Variants in FBN3 observed in about 807,000 individuals in gnomAD.
FBN3 encodes fibrillin-3.
A neutral mutation model predicts 330.1 loss-of-function variants in FBN3; 234 were observed. The observed-to-expected ratio is 0.71, with a 90% confidence interval of 0.64 to 0.79. The LOEUF (loss-of-function observed/expected upper bound fraction) is 0.79. Ranked by LOEUF, FBN3 falls within the 30% of genes least tolerant of loss-of-function variation. FBN3 has a pLI of 0.00. For missense variants in FBN3, 3,606 were observed against 3,886.9 expected (o/e 0.93, Z 1.92); for synonymous variants, 1,458 against 1,517.3 (o/e 0.96, Z 0.91).
In FBN3 at chr19:8,075,132, C is replaced by G. The variant is rs1477998955; in HGVS notation, c.7641G>C (p.Gly2547=). ...CCTGGGGGCAGCTGCAGCGGTAGCC[C>G]CCTAGCTGGTTCTGACAGCCATGCT... ...RCQHGCQNQL[G]GYRCSCPQGF... The change falls in exon 61 of 64, where the codon GGG becomes GGC. Residue 2547 remains glycine (G), a synonymous_variant. Coordinates refer to ENST00000600128, the MANE Select transcript of FBN3 (RefSeq NM_032447.5). The G allele has an allele frequency of 6.3e-7, 1 of 1,584,762 alleles. No homozygotes were observed. The highest frequency in any genetic ancestry group is 1.2e-5 in the South Asian group (1 of 86,580).
chr19:8,086,353 G>GC (rs1568372019), intron 54 of FBN3, 28 bp from the exon 55 acceptor site: 11 of 1,571,478 alleles, frequency 7.0e-6, no homozygotes, highest in Admixed American at 1.7e-5. Flanking sequence ...AGGCAGGTGG[G>GC]CGGGGAGGCC....
chr19:8,109,763 G>A lies in FBN3; in HGVS notation c.4334-10C>T, dbSNP rs991543775. The A allele has an allele frequency of 4.2e-5, 63 of 1,485,124 alleles. No individual in the cohort carries two copies. The highest frequency in any genetic ancestry group is 5.6e-5 in the Non-Finnish European group (62 of 1,116,840). 92.0% of individuals were successfully genotyped at this position (1,485,124 alleles called of 1,614,324 possible). A position where few individuals can be genotyped will look rare whatever the true frequency, so the allele number is the denominator to read the frequency against. Reference sequence around the variant, plus strand: ...GCACACTCGTTGATGTCTGTAGGGAGGAAGCGCGGTCCTCAGCAGGGAGCC... The same window carrying A: ...GCACACTCGTTGATGTCTGTAGGGAAGAAGCGCGGTCCTCAGCAGGGAGCC... On this transcript the variant is annotated splice_polypyrimidine_tract_variant and intron_variant, in intron 34 of 63. Transcript: ENST00000600128. This position sits in a 1 kb window ranked among gnomAD's most constrained non-coding sequence, Gnocchi z 5.2.
Position 8,145,886 on chromosome 19 carries a change from GGAC to G in FBN3, c.399_401del (p.Ser134del), listed in dbSNP as rs1173533613. On this transcript the variant is annotated inframe_deletion, in exon 5 of 64. Coordinates refer to ENST00000600128, the MANE Select transcript of FBN3 (RefSeq NM_032447.5). ...CTGTGTAGCCCTTCTGACACAGACA[GGAC>G]GCCCCCCGGCAGGTGCCCCCATTCA... is the stretch of plus-strand genomic sequence containing the variant. 4 of 1,551,152 alleles carry G rather than the reference GGAC, an allele frequency of 2.6e-6. No homozygotes were observed. In the African/African-American group the frequency reaches 5.5e-5, roughly 21 times the overall value.
intron 8 of FBN3, among the ~76,000 whole-genome samples, chr19:8,140,423 C>CA (rs780971872): frequency 1.3e-5 from 2 of 152,184 alleles, no homozygotes; most frequent in African/African-American, 2.4e-5. Flanking sequence ...GAGATCGTGC[C>CA]ATTGCACTCC....
Position 8,131,425 on chromosome 19 carries a change from C to A in FBN3, c.1990+129G>T. 1 of 1,434,338 alleles carries A rather than the reference C, an allele frequency of 7.0e-7. No individual in the cohort carries two copies. The highest frequency in any genetic ancestry group is 1.9e-5 in the Admixed American group (1 of 52,946). The allele number at this position is 1,434,338 out of a possible 1,614,324, so 88.9% of individuals were successfully genotyped here. A position where few individuals can be genotyped will look rare whatever the true frequency, so the allele number is the denominator to read the frequency against. On this transcript the variant is annotated intron_variant, in intron 15 of 63. Coordinates refer to ENST00000600128, the MANE Select transcript of FBN3 (RefSeq NM_032447.5). This position sits in a 1 kb window ranked among gnomAD's most constrained non-coding sequence, Gnocchi z 4.5. ...CACAACTCCAACCCCGGGGAGGGAG[C>A]AACTCCCTTCAGCCTCTTTTTGGGA...
chr19:8,089,516 A>G, intron 51 of FBN3, 29 bp downstream of exon 51: 1 of 1,613,238 alleles, frequency 6.2e-7, no homozygotes. Flanking sequence ...GGGGCCTGGG[A>G]CAGAGCTGGG....
intron 13 of FBN3, among the ~76,000 whole-genome samples, chr19:8,133,849 A>C (rs1463457399): frequency 6.6e-6 from 1 of 152,174 alleles, no homozygotes; most frequent in East Asian, 1.9e-4. Flanking sequence ...CCATGGTCTA[A>C]TTTAATGGAA....
At chr19:8,068,248 A>G (rs1002867853) in intron 63 of FBN3, among the ~76,000 whole-genome samples, 1 of 147,938 alleles carries the variant, frequency 6.8e-6, no homozygotes, top group African/African-American at 2.5e-5. Context: ...AAAATTAGCT[A>G]GGCGTAGTGT....
At position 8,109,992 on chromosome 19, in the gene FBN3, T is replaced by A. The variant is rs1186538445; in HGVS notation, c.4334-239A>T. On this transcript the variant is annotated intron_variant, in intron 34 of 63. Coordinates refer to ENST00000600128, the MANE Select transcript of FBN3 (RefSeq NM_032447.5). The surrounding 1 kb of genome is among the most constrained non-coding windows in gnomAD (Gnocchi z 5.2). The stretch of plus-strand genomic sequence containing the variant: ...GTTCTGCCTGGCAGAGTTTTGTTCA[T>A]TGAACTCTACCTGCCCTGGGTTCCA... 6.6e-6 allele frequency among the ~76,000 whole-genome samples: 1 copy of A among 152,222 alleles called. No homozygotes were observed. Among genetic ancestry groups the A allele is most frequent in the African/African-American group, 2.4e-5 (1 of 41,452 alleles).
intron 32 of FBN3, 117 bp downstream of exon 32, chr19:8,111,531 A>T: frequency 1.7e-6 from 2 of 1,177,544 alleles, no homozygotes; most frequent in Non-Finnish European, 2.4e-6. Context: ...CAGCACCCAC[A>T]GAGCGGCGAT....
chr19:8,121,421 T>C lies in FBN3; in HGVS notation c.3083-35A>G, dbSNP rs2144897253. On this transcript the variant is annotated intron_variant, in intron 24 of 63. Coordinates refer to ENST00000600128, the MANE Select transcript of FBN3 (RefSeq NM_032447.5). This position sits in a 1 kb window ranked among gnomAD's most constrained non-coding sequence, Gnocchi z 4.5. ...GAGGGGGCAGAGGCCGGAGGCGCCA[T>C]GTGGGCCGCATCATGGGGCACGAGG... 1 of 1,555,566 alleles carries C rather than the reference T, an allele frequency of 6.4e-7. No individual in the cohort carries two copies.
In FBN3 at chr19:8,094,440, A is replaced by G; in HGVS notation, c.5905+6T>C. The G allele has an allele frequency of 6.2e-7, 1 of 1,608,636 alleles. No homozygotes were observed. The highest frequency in any genetic ancestry group is 8.5e-7 in the Non-Finnish European group (1 of 1,176,382). On this transcript the variant is annotated splice_donor_region_variant and intron_variant, in intron 47 of 63. Coordinates refer to ENST00000600128, the MANE Select transcript of FBN3 (RefSeq NM_032447.5). ...GCCAGAAACGGGAGTGGGGCTGGAC[A>G]CTCACCAATGCAGTGGTCACTCTGC... is the stretch of plus-strand genomic sequence containing the variant.
intron 16 of FBN3, among the ~76,000 whole-genome samples, chr19:8,130,884 C>T (rs973360913): frequency 6.6e-6 from 1 of 151,262 alleles, no homozygotes; most frequent in African/African-American, 2.4e-5. Context: ...GTTTTGGACA[C>T]AGACACGCAT....
At position 8,134,413 on chromosome 19, in the gene FBN3, C is replaced by T. The variant is rs181294344; in HGVS notation, c.1592-1307G>A. The stretch of plus-strand genomic sequence containing the variant: ...TTCATGTAATGGAACATTATTCGGC[C>T]ATGAAAAAGAATGAAGAAGCCAGGT... On this transcript the variant is annotated intron_variant, in intron 13 of 63. Transcript: ENST00000600128. Among the ~76,000 whole-genome samples the T allele has an allele frequency of 3.2e-3, 480 of 152,188 alleles. 2 individuals are homozygous for T. Among genetic ancestry groups the T allele is most frequent in the African/African-American group, 0.011 (466 of 41,518 alleles).
At chr19:8,127,816 C>T (rs950028025) in intron 18 of FBN3, among the ~76,000 whole-genome samples, 1 of 152,094 alleles carries the variant, frequency 6.6e-6, no homozygotes, top group African/African-American at 2.4e-5. Flanking sequence ...AACACCATCT[C>T]TATTAAAAAT....
chr19:8,118,205 TCA>T (rs957422149), intron 26 of FBN3, among the ~76,000 whole-genome samples: 2 of 151,798 alleles, frequency 1.3e-5, no homozygotes, highest in Non-Finnish European at 2.9e-5. Flanking sequence ...TCACACCCAC[TCA>T]CACACAAACA....
rs8109593 is a variant in FBN3, at chr19:8,125,279, T to G, written c.2731+613A>C. On this transcript the variant is annotated intron_variant, in intron 22 of 63. Transcript: ENST00000600128. ...TAAATAAATAAATTAGCGGGTGTGG[T>G]GGTGCACACCTGTAGTCCCAGCTGC... Among the ~76,000 whole-genome samples the G allele has an allele frequency of 4.8e-3, 737 of 152,102 alleles. 5 individuals are homozygous for G. The highest frequency in any genetic ancestry group is 0.017 in the African/African-American group (710 of 41,480).
In FBN3 at chr19:8,109,787, C is replaced by T. The variant is rs772725664; in HGVS notation, c.4334-34G>A. The T allele has an allele frequency of 2.8e-6, 4 of 1,434,104 alleles. No individual in the cohort carries two copies. In the South Asian group the frequency reaches 5.0e-5, roughly 18 times the overall value. 88.8% of individuals were successfully genotyped at this position (1,434,104 alleles called of 1,614,324 possible). On this transcript the variant is annotated intron_variant, in intron 34 of 63. Transcript: ENST00000600128. This position sits in a 1 kb window ranked among gnomAD's most constrained non-coding sequence, Gnocchi z 5.2. ...AGGAAGCGCGGTCCTCAGCAGGGAG[C>T]CCCTTCCTCGGCCCCCCTCCCTCCT...
Position 8,131,507 on chromosome 19 carries a change from G to C in FBN3, c.1990+47C>G. The C allele has an allele frequency of 6.4e-7, 1 of 1,562,340 alleles. No homozygotes were observed. The highest frequency in any genetic ancestry group is 8.7e-7 in the Non-Finnish European group (1 of 1,150,256). On this transcript the variant is annotated intron_variant, in intron 15 of 63. Transcript: ENST00000600128. The surrounding 1 kb of genome is among the most constrained non-coding windows in gnomAD (Gnocchi z 4.5). ...CCACCAGAAGCGAGAACCGATGGAG[G>C]CATTCAGACCAAGGAGGCGATGGGG...
Sources: gnomAD v4.1 joint callset for allele counts (sites outside exome capture counted in the v4.1 genomes callset) on GRCh38, gnomAD v4.1.1 for gene constraint, Gnocchi (gnomAD v3.1) non-coding constraint, MANE v1.5 for transcripts, NCBI Gene and HGNC (gene_info 2026-07-23, HGNC 2026-07-21) for gene names.